Variants in SEMA6D observed in about 807,000 individuals in gnomAD.
SEMA6D encodes the protein semaphorin-6D.
A neutral mutation model predicts 106.6 loss-of-function variants in SEMA6D; 35 were observed. The observed-to-expected ratio is 0.33, with a 90% CI of 0.25 to 0.44. SEMA6D has a LOEUF of 0.44. Among genes scored for constraint, SEMA6D ranks in the 20% least tolerant of loss-of-function variants. SEMA6D has a pLI of 1.00. For synonymous variants in SEMA6D, 499 were observed against 487.7 expected (o/e 1.02, Z -0.31); for missense variants, 1,185 against 1,345.9 (o/e 0.88, Z 1.87).
In SEMA6D at chr15:47,383,639, CATAA is replaced by C. The variant is rs2039719822; in HGVS notation, c.-238-28753_-238-28750del. On this transcript the variant is annotated intron_variant, in intron 1 of 19. Transcript: ENST00000558014. Reference sequence around the variant, plus strand: ...GCTATATGCTTTACCAGTTTTAACTCATAAGGCATAAGGACCCTGAGTTAAATAT... The same window carrying C: ...GCTATATGCTTTACCAGTTTTAACTCGGCATAAGGACCCTGAGTTAAATAT... Among the ~76,000 whole-genome samples the C allele has an allele frequency of 4.3e-5, 4 of 93,190 alleles. No individual in the cohort carries two copies. In the South Asian group the frequency reaches 1.0e-3, roughly 23 times the overall value. The allele number at this position is 93,190 out of a possible 152,430, so 61.1% of individuals were successfully genotyped here.
chr15:47,305,032 A>G (rs2036180746), intron 1 of SEMA6D, among the ~76,000 whole-genome samples: 1 of 152,166 alleles, frequency 6.6e-6, no homozygotes, highest in African/African-American at 2.4e-5. Context: ...CCTGTTTTTC[A>G]TTTATGTCTT....
chr15:47,725,884 T>C (rs1325071837), intron 1 of SEMA6D, among the ~76,000 whole-genome samples: 2 of 152,228 alleles, frequency 1.3e-5, no homozygotes, highest in Admixed American at 6.5e-5. Flanking sequence ...TTAATAGTTA[T>C]GTGACAGATA....
rs533921182 is a variant in SEMA6D at position 47,551,003 on chromosome 15, A to G, written c.-86-49862A>G. On this transcript the variant is annotated intron_variant, in intron 3 of 19. Transcript: ENST00000558014. ...GCATAATAAAAATTAGACTAGAACTATCATATATGAAAGGTTAAAGCTATG... is the reference window on the plus strand; with the variant it reads ...GCATAATAAAAATTAGACTAGAACTGTCATATATGAAAGGTTAAAGCTATG... Among the ~76,000 whole-genome samples, 8 of 152,348 alleles carry G rather than the reference A, an allele frequency of 5.3e-5. 1 individual carries two copies. The highest frequency in any genetic ancestry group is 1.9e-4 in the African/African-American group (8 of 41,588).
intron 3 of SEMA6D, among the ~76,000 whole-genome samples, chr15:47,597,861 T>A (rs1019236409): frequency 3.4e-5 from 5 of 148,720 alleles, no homozygotes; most frequent in African/African-American, 9.9e-5. Context: ...ATATATATAT[T>A]ATATATATAT....
intron 2 of SEMA6D, among the ~76,000 whole-genome samples, chr15:47,464,423 G>A (rs887907224): frequency 3.3e-5 from 5 of 152,098 alleles, no homozygotes; most frequent in Admixed American, 3.3e-4. Flanking sequence ...TGCTTCAGGT[G>A]CCTTTGGTGA....
At chr15:47,259,345 G>A (rs2033957682) in intron 1 of SEMA6D, among the ~76,000 whole-genome samples, 1 of 152,162 alleles carries the variant, frequency 6.6e-6, no homozygotes, top group Non-Finnish European at 1.5e-5. Context: ...TTAAGGATAT[G>A]TCTGCTCATG....
intron 1 of SEMA6D, among the ~76,000 whole-genome samples, chr15:47,275,803 A>C (rs1302708361): frequency 6.6e-6 from 1 of 152,176 alleles, no homozygotes; most frequent in Non-Finnish European, 1.5e-5. Flanking sequence ...GAAAGTTAGA[A>C]GTGATTAAGC....
chr15:47,395,382 A>G (rs1473243243), intron 1 of SEMA6D, among the ~76,000 whole-genome samples: 2 of 152,200 alleles, frequency 1.3e-5, no homozygotes, highest in African/African-American at 4.8e-5. Flanking sequence ...GTCTAATCCT[A>G]TGGAACAGAG....
At chr15:47,553,672 T>C (rs2045830943) in intron 3 of SEMA6D, among the ~76,000 whole-genome samples, 1 of 152,152 alleles carries the variant, frequency 6.6e-6, no homozygotes, top group Admixed American at 6.5e-5. Context: ...CAGCTGTGTG[T>C]CAGTACAAAG....
At chr15:47,426,512 T>G (rs551014277) in intron 2 of SEMA6D, among the ~76,000 whole-genome samples, 59 of 152,236 alleles carry the variant, frequency 3.9e-4, no homozygotes, top group South Asian at 1.7e-3. Flanking sequence ...GCGGTCTTTA[T>G]ATAGGGAAGG....
At chr15:47,602,410 G>C (rs2143512619) in intron 4 of SEMA6D, among the ~76,000 whole-genome samples, 1 of 152,230 alleles carries the variant, frequency 6.6e-6, no homozygotes, top group Admixed American at 6.5e-5. Flanking sequence ...ACTAAATCCA[G>C]GCTTTGGGAT....
intron 3 of SEMA6D, among the ~76,000 whole-genome samples, chr15:47,593,102 T>G (rs1023509153): frequency 6.6e-6 from 1 of 152,080 alleles, no homozygotes; most frequent in Admixed American, 6.5e-5. Flanking sequence ...TTTTGTCTCA[T>G]GATTAGTCAA....
intron 1 of SEMA6D, among the ~76,000 whole-genome samples, chr15:47,377,344 C>T (rs968382271): frequency 4.6e-5 from 7 of 152,110 alleles, no homozygotes; most frequent in Non-Finnish European, 7.3e-5. Flanking sequence ...TGGGGAAATT[C>T]AGTAATTCCT....
At chr15:47,285,459 T>A (rs929510345) in intron 1 of SEMA6D, among the ~76,000 whole-genome samples, 1 of 151,906 alleles carries the variant, frequency 6.6e-6, no homozygotes, top group African/African-American at 2.4e-5. Flanking sequence ...AAGAAAACAA[T>A]TTGAAGAATA....
At chr15:47,598,497 CAG>C (rs2076580047) in intron 3 of SEMA6D, among the ~76,000 whole-genome samples, 1 of 152,112 alleles carries the variant, frequency 6.6e-6, no homozygotes, top group Admixed American at 6.5e-5. Flanking sequence ...AAGAATTAAG[CAG>C]ACACCTTTGA....
At chr15:47,502,575 A>T (rs1251647888) in intron 3 of SEMA6D, among the ~76,000 whole-genome samples, 1 of 152,234 alleles carries the variant, frequency 6.6e-6, no homozygotes, top group African/African-American at 2.4e-5. Context: ...GCTATACGGT[A>T]ATTGGTAAAA....
chr15:47,673,996 C>T (rs1044599365), intron 4 of SEMA6D, among the ~76,000 whole-genome samples: 3 of 152,134 alleles, frequency 2.0e-5, no homozygotes, highest in African/African-American at 7.2e-5. Context: ...TCTTTGCATC[C>T]ATTCCTTTTG....
intron 3 of SEMA6D, among the ~76,000 whole-genome samples, chr15:47,566,026 G>T (rs534363588): frequency 6.6e-6 from 1 of 152,308 alleles, no homozygotes; most frequent in South Asian, 2.1e-4. Context: ...ATTATACAGG[G>T]ATATAGGCCT....
In SEMA6D at chr15:47,717,614, C is replaced by G. The variant is rs1479972148; in HGVS notation, c.-133C>G. The G allele has an allele frequency of 6.6e-6, 1 of 151,960 alleles. No homozygotes were observed. The highest frequency in any genetic ancestry group is 1.5e-5 in the Non-Finnish European group (1 of 68,052). The allele number at this position is 151,960 out of a possible 1,614,324, so 9.4% of individuals were successfully genotyped here. On this transcript the variant is annotated 5_prime_UTR_variant, in exon 1 of 19. Coordinates refer to ENST00000536845, the MANE Select transcript of SEMA6D (RefSeq NM_001358351.3). Reference sequence around the variant, plus strand: ...GGATATCTATTTTTACAATATTTTTCTTTATTTTCTTTCTTCCTTGCGCGT... The same window carrying G: ...GGATATCTATTTTTACAATATTTTTGTTTATTTTCTTTCTTCCTTGCGCGT...
Sources: gnomAD v4.1 joint callset for allele counts (sites outside exome capture counted in the v4.1 genomes callset) on GRCh38, gnomAD v4.1.1 for gene constraint, MANE v1.5 for transcripts, NCBI Gene and HGNC (gene_info 2026-07-23, HGNC 2026-07-21) for gene names.